The following SQOR variants were observed in gnomAD, a reference collection of about 807,000 sequenced individuals.
SQOR encodes sulfide quinone oxidoreductase.
In SQOR, 39 loss-of-function variants were observed where a neutral mutation model predicts 48.6. The ratio of observed to expected loss-of-function variants is 0.80; its 90% CI spans 0.62 to 1.05. SQOR has a LOEUF of 1.05. Among genes scored for constraint, SQOR ranks in the 50% least tolerant of loss-of-function variants. The pLI is 0.00. For synonymous variants in SQOR, 220 were observed against 206.2 expected, an observed-to-expected ratio of 1.07 and a Z score of -0.57; for missense variants, 561 against 559.9, an observed-to-expected ratio of 1.00 and a Z score of -0.02.
At chr15:45,664,991 T>C (rs1042572217) in intron 3 of SQOR, among the ~76,000 whole-genome samples, 2 of 152,164 alleles carry the variant, frequency 1.3e-5, no homozygotes, top group African/African-American at 2.4e-5. Context: ...GCCAGTCTCC[T>C]GAACACAGGG....
intron 7 of SQOR, among the ~76,000 whole-genome samples, chr15:45,684,611 TC>T (rs71114358): frequency 6.6e-5 from 10 of 151,358 alleles, no homozygotes; most frequent in Non-Finnish European, 1.0e-4. Flanking sequence ...TCTCTCTCTC[TC>T]TTTTTTTTTC....
Position 45,661,939 on chromosome 15 carries a change from A to G in SQOR, c.235-16A>G, listed in dbSNP as rs1301953991. 5 of 1,611,438 alleles carry G rather than the reference A, an allele frequency of 3.1e-6. No homozygotes were observed. The highest frequency in any genetic ancestry group is 4.2e-6 in the Non-Finnish European group (5 of 1,178,516). ...GTGTCAAATTGCAATAAATCTTCAA[A>G]TACTTTGTTTCTCAGAGACATTTCT... On this transcript the variant is annotated splice_polypyrimidine_tract_variant and intron_variant, in intron 2 of 9. Transcript: ENST00000260324.
chr15:45,658,912 T>A lies in SQOR; in HGVS notation c.-12T>A. The A allele has an allele frequency of 6.5e-7, 1 of 1,535,126 alleles. No homozygotes were observed. The highest frequency in any genetic ancestry group is 8.8e-7 in the Non-Finnish European group (1 of 1,135,258). Reference sequence around the variant, plus strand: ...CCCTGTCTCTTCCCTTCCAGCCTGATCCTGCCTGAAGATGGTGCCACTGGT... The same window carrying A: ...CCCTGTCTCTTCCCTTCCAGCCTGAACCTGCCTGAAGATGGTGCCACTGGT... On this transcript the variant is annotated 5_prime_UTR_variant, in exon 2 of 10. Coordinates refer to ENST00000260324, the MANE Select transcript of SQOR (RefSeq NM_021199.4).
intron 1 of SQOR, among the ~76,000 whole-genome samples, chr15:45,650,418 C>T (rs759322706): frequency 2.0e-5 from 3 of 152,180 alleles, no homozygotes; most frequent in Admixed American, 1.3e-4. Context: ...GGTTCGTGGT[C>T]TCCCTGGCTC....
chr15:45,665,550 ATAT>A, intron 3 of SQOR, among the ~76,000 whole-genome samples: 1 of 151,796 alleles, frequency 6.6e-6, no homozygotes. Flanking sequence ...TCTTTAGCAA[ATAT>A]TATTCAAGTG....
At chr15:45,655,896 A>T (rs1261941921) in intron 1 of SQOR, among the ~76,000 whole-genome samples, 1 of 151,814 alleles carries the variant, frequency 6.6e-6, no homozygotes, top group Admixed American at 6.6e-5. Context: ...CATGTTGGCC[A>T]GGATGGTCTC....
upstream of SQOR, among the ~76,000 whole-genome samples, chr15:45,634,405 G>C (rs1369583759): frequency 6.6e-6 from 1 of 151,604 alleles, no homozygotes; most frequent in African/African-American, 2.4e-5. Context: ...CACTCACTGA[G>C]ACTTTACATC....
At chr15:45,651,230 C>A (rs1347227127) in intron 1 of SQOR, among the ~76,000 whole-genome samples, 1 of 152,236 alleles carries the variant, frequency 6.6e-6, no homozygotes, top group Non-Finnish European at 1.5e-5. Flanking sequence ...CCTGGTGCAC[C>A]CTCCGCAGCT....
At chr15:45,689,376 A>C in intron 9 of SQOR, 159 bp downstream of exon 9, 2 of 605,756 alleles carry the variant, frequency 3.3e-6, no homozygotes, top group African/African-American at 1.9e-5. Context: ...ATAATAGTAA[A>C]TCACTTTCAC....
chr15:45,650,057 G>A (rs751425617), intron 1 of SQOR, among the ~76,000 whole-genome samples: 6 of 150,614 alleles, frequency 4.0e-5, no homozygotes, highest in Middle Eastern at 3.5e-3. Flanking sequence ...TGGCCAGGCT[G>A]GTCTTTAACT....
chr15:45,669,092 A>T (rs1268078350), intron 3 of SQOR, among the ~76,000 whole-genome samples: 2 of 151,194 alleles, frequency 1.3e-5, no homozygotes, highest in African/African-American at 4.8e-5. Flanking sequence ...GGACTCACAT[A>T]TTACCCAATA....
chr15:45,666,219 G>A (rs1889814130), intron 3 of SQOR, among the ~76,000 whole-genome samples: 1 of 152,094 alleles, frequency 6.6e-6, no homozygotes, highest in South Asian at 2.1e-4. Context: ...ACTCCTTCAG[G>A]CAAGCCTTCC....
chr15:45,690,022 G>C (rs1377729790), intron 9 of SQOR, among the ~76,000 whole-genome samples: 1 of 151,638 alleles, frequency 6.6e-6, no homozygotes, highest in African/African-American at 2.4e-5. Context: ...AAAGAGGCAG[G>C]TACATAGTAG....
chr15:45,632,690 T>C (rs1038619956), upstream of SQOR, among the ~76,000 whole-genome samples: 9 of 152,070 alleles, frequency 5.9e-5, no homozygotes, highest in Admixed American at 1.3e-4. Flanking sequence ...GTGAAGCATT[T>C]TGGAAATATA....
intron 1 of SQOR, among the ~76,000 whole-genome samples, chr15:45,638,389 C>G (rs532359953): frequency 6.6e-6 from 1 of 152,118 alleles, no homozygotes; most frequent in South Asian, 2.1e-4. Flanking sequence ...CTCAGAAGTT[C>G]GAGGCTAGCC....
At chr15:45,682,693 CA>C in intron 7 of SQOR, 32 bp downstream of exon 7, 1 of 1,606,968 alleles carries the variant, frequency 6.2e-7, no homozygotes, top group Non-Finnish European at 8.5e-7. Flanking sequence ...CTCCCTTTCT[CA>C]AAAATATGTC....
At position 45,676,216 on chromosome 15, in the gene SQOR, T is replaced by C; in HGVS notation, c.770T>C (p.Val257Ala). The stretch of plus-strand genomic sequence containing the variant: ...ATCATCCAGGAGCGGAACCTCACTG[T>C]TAACTACAAGAAAAACCTCATTGAA... ...QEIIQERNLT[V>A]NYKKNLIEVR... The change falls in exon 6 of 10, where the codon GTT becomes GCT. Residue 257 changes from valine to alanine, a missense_variant. Val to Ala is a moderately conservative substitution (Grantham distance 64). Coordinates refer to ENST00000260324, the MANE Select transcript of SQOR (RefSeq NM_021199.4). 1.2e-6 allele frequency: 2 copies of C among 1,614,156 alleles called. No homozygotes were observed. The highest frequency in any genetic ancestry group is 2.2e-5 in the South Asian group (2 of 91,078).
chr15:45,690,636 A>G (rs919090423), intron 9 of SQOR, among the ~76,000 whole-genome samples: 4 of 151,904 alleles, frequency 2.6e-5, no homozygotes, highest in African/African-American at 9.7e-5. Flanking sequence ...ATCTGGTCCA[A>G]CATATCAATA....
At chr15:45,688,312 TC>T (rs1396395196) in intron 7 of SQOR, 24 bp from the exon 8 acceptor site, 1 of 1,548,804 alleles carries the variant, frequency 6.5e-7, no homozygotes, top group Non-Finnish European at 8.8e-7. Flanking sequence ...CTTACATTTT[TC>T]TGACTTTCCC....
Sources: allele counts gnomAD v4.1 joint callset (sites outside exome capture counted in the v4.1 genomes callset), GRCh38; gene constraint gnomAD v4.1.1; transcripts MANE v1.5; gene names NCBI Gene and HGNC (gene_info 2026-07-23, HGNC 2026-07-21).